Variants in RAI14 observed in about 807,000 individuals in gnomAD.
RAI14 encodes retinoic acid induced 14, also known as ankycorbin.
RAI14 carries 45 observed loss-of-function variants against 115.4 expected under a neutral mutation model. The ratio of observed to expected loss-of-function variants is 0.39; its 90% CI spans 0.31 to 0.50. RAI14 has a LOEUF of 0.50. Ranked by LOEUF, RAI14 falls within the 20% of genes least tolerant of loss-of-function variation. The pLI is 0.85. For synonymous variants in RAI14, 371 were observed against 415.4 expected (o/e 0.89, Z 1.30); for missense variants, 939 against 1,131.2 (o/e 0.83, Z 2.44).
At chr5:34,677,590 G>A (rs1744081917) in intron 1 of RAI14, among the ~76,000 whole-genome samples, 1 of 152,024 alleles carries the variant, frequency 6.6e-6, no homozygotes, top group African/African-American at 2.4e-5. Context: ...GCCTACAGGT[G>A]CTCGCCACCA....
At chr5:34,748,284 A>T (rs934018508) in intron 2 of RAI14, among the ~76,000 whole-genome samples, 1 of 152,214 alleles carries the variant, frequency 6.6e-6, no homozygotes, top group Non-Finnish European at 1.5e-5. Flanking sequence ...AAGGGAAAAG[A>T]CATTTTAGAT....
chr5:34,716,196 G>T, intron 2 of RAI14: 1 of 357,716 alleles, frequency 2.8e-6, no homozygotes, highest in Non-Finnish European at 5.4e-6. Flanking sequence ...AAGTATAGGT[G>T]GATTTACATG....
At chr5:34,737,898 T>C (rs376216) in intron 2 of RAI14, among the ~76,000 whole-genome samples, 12,584 of 152,318 alleles carry the variant, frequency 0.083, 570 homozygotes, top group Middle Eastern at 0.2. Context: ...GGACATATTT[T>C]TTCCTGAATC....
At position 34,791,403 on chromosome 5, in the gene RAI14, A is replaced by G. The variant is rs1752905609; in HGVS notation, c.168-4536A>G. On this transcript the variant is annotated intron_variant, in intron 3 of 17. Transcript: ENST00000265109. This position sits in a 1 kb window ranked among gnomAD's most constrained non-coding sequence, Gnocchi z 5.4. ...TTTTTGAAGTCACTTATTATATGCCATATAATTAAAAAGTTATATGGTATA... is the reference window on the plus strand; with the variant it reads ...TTTTTGAAGTCACTTATTATATGCCGTATAATTAAAAAGTTATATGGTATA... Among the ~76,000 whole-genome samples, 1 of 152,170 alleles carries G rather than the reference A, an allele frequency of 6.6e-6. No homozygotes were observed. The highest frequency in any genetic ancestry group is 2.4e-5 in the African/African-American group (1 of 41,416).
chr5:34,698,632 G>A (rs552030428), intron 2 of RAI14, among the ~76,000 whole-genome samples: 74 of 152,268 alleles, frequency 4.9e-4, no homozygotes, highest in South Asian at 2.1e-3. Flanking sequence ...GTACTAATGA[G>A]TAGAGGTGGG....
At chr5:34,674,437 A>G (rs1743829342) in intron 1 of RAI14, among the ~76,000 whole-genome samples, 1 of 152,172 alleles carries the variant, frequency 6.6e-6, no homozygotes, top group Admixed American at 6.5e-5. Context: ...TAGTAAGCCA[A>G]CTTCTGGCAA....
chr5:34,830,722 A>G lies in RAI14; in HGVS notation c.2900A>G (p.Lys967Arg), dbSNP rs748652891. The G allele has an allele frequency of 1.4e-5, 22 of 1,614,054 alleles. No homozygotes were observed. In the Admixed American group the frequency reaches 3.7e-4, roughly 27 times the overall value. ...QMDEDVQKVL[K>R]QILTMCKNQS... Reference sequence around the variant, plus strand: ...GATGAAGATGTCCAGAAAGTACTGAAGCAAATCCTTACCATGTGTAAAAAC... The same window carrying G: ...GATGAAGATGTCCAGAAAGTACTGAGGCAAATCCTTACCATGTGTAAAAAC... Residue 967 changes from lysine to arginine, a missense_variant, in exon 18 of 18, where the codon AAG becomes AGG. Lys to Arg is a conservative substitution (Grantham distance 26, BLOSUM62 2). Coordinates refer to ENST00000265109, the MANE Select transcript of RAI14 (RefSeq NM_015577.3).
At chr5:34,807,931 T>C in intron 6 of RAI14, 74 bp downstream of exon 6, 2 of 1,143,266 alleles carry the variant, frequency 1.7e-6, no homozygotes, top group Non-Finnish European at 2.7e-6. Context: ...ATTCAGGCCA[T>C]TAACCTTCCA....
chr5:34,793,605 A>G (rs1452711555), intron 3 of RAI14, among the ~76,000 whole-genome samples: 1 of 152,170 alleles, frequency 6.6e-6, no homozygotes, highest in Admixed American at 6.5e-5. Flanking sequence ...CTTTCTTTAC[A>G]TGTTATATTT....
chr5:34,821,923 T>G (rs1756869669), intron 14 of RAI14, 73 bp downstream of exon 14: 3 of 798,536 alleles, frequency 3.8e-6, no homozygotes, highest in Admixed American at 4.6e-5. Context: ...GTCAGATGTA[T>G]TTTGTTTTAA....
chr5:34,829,517 T>C (rs544305083), intron 16 of RAI14, among the ~76,000 whole-genome samples: 4 of 152,172 alleles, frequency 2.6e-5, no homozygotes, highest in African/African-American at 9.6e-5. Flanking sequence ...TTTTCTAGAG[T>C]TGACATACCA....
intron 3 of RAI14, among the ~76,000 whole-genome samples, chr5:34,769,144 T>TA (rs368164255): frequency 2.6e-5 from 4 of 152,310 alleles, no homozygotes; most frequent in African/African-American, 9.6e-5. Flanking sequence ...TGTTTTTTTT[T>TA]ATAGCATTCA....
At chr5:34,692,663 G>A (rs1184068922) in intron 2 of RAI14, among the ~76,000 whole-genome samples, 1 of 151,746 alleles carries the variant, frequency 6.6e-6, no homozygotes, top group Non-Finnish European at 1.5e-5. Flanking sequence ...TGACCCCACT[G>A]GGTGGAGGTA....
rs1580373785 is a variant in RAI14 at position 34,823,880 on chromosome 5, G to C, written c.2038G>C (p.Glu680Gln). Residue 680 changes from glutamate to glutamine, a missense_variant, in exon 15 of 18, where the codon GAG (glutamate) becomes CAG (glutamine). Physicochemically the swap from Glu to Gln is conservative, Grantham distance 29. Coordinates refer to ENST00000265109, the MANE Select transcript of RAI14 (RefSeq NM_015577.3). This position sits in a 1 kb window ranked among gnomAD's most constrained non-coding sequence, Gnocchi z 4.5. ...CACAGCTGAATATATCCATAAAGCA[G>C]AGCATGAGAAACTGATGCAATTGAC... ...DVTAEYIHKA[E>Q]HEKLMQLTNV... The C allele has an allele frequency of 1.2e-6, 2 of 1,614,122 alleles. No individual in the cohort carries two copies. Among genetic ancestry groups the C allele is most frequent in the Non-Finnish European group, 1.7e-6 (2 of 1,179,996 alleles).
intron 16 of RAI14, among the ~76,000 whole-genome samples, chr5:34,828,118 GAAGT>G (rs1373189546): frequency 5.3e-5 from 8 of 152,308 alleles, no homozygotes; most frequent in African/African-American, 1.7e-4. Flanking sequence ...GGCTGCTAGA[GAAGT>G]AAGTAAGTAG....
intron 1 of RAI14, among the ~76,000 whole-genome samples, chr5:34,682,950 G>A (rs1744494548): frequency 2.0e-5 from 3 of 152,222 alleles, no homozygotes; most frequent in Non-Finnish European, 4.4e-5. Flanking sequence ...AACATAGGTT[G>A]TAGCTCAGCC....
intron 3 of RAI14, among the ~76,000 whole-genome samples, chr5:34,794,349 A>G (rs336461): frequency 0.59 from 90,122 of 152,042 alleles, 27,368 homozygotes; most frequent in African/African-American, 0.69. Context: ...CTTGAACCTG[A>G]GAGGCGGAGG....
chr5:34,710,363 T>A (rs1451465484), intron 2 of RAI14, among the ~76,000 whole-genome samples: 2 of 152,232 alleles, frequency 1.3e-5, no homozygotes, highest in African/African-American at 4.8e-5. Context: ...GTATCCGTCT[T>A]GGTGTCTAAA....
At chr5:34,738,265 TA>T (rs1050652552) in intron 2 of RAI14, among the ~76,000 whole-genome samples, 2 of 151,940 alleles carry the variant, frequency 1.3e-5, no homozygotes, top group Admixed American at 1.3e-4. Flanking sequence ...CTCTAAAATT[TA>T]AAAAAACAAA....
Sources: gnomAD v4.1 joint callset for allele counts (sites outside exome capture counted in the v4.1 genomes callset) on GRCh38, gnomAD v4.1.1 for gene constraint, Gnocchi (gnomAD v3.1) non-coding constraint, MANE v1.5 for transcripts, NCBI Gene and HGNC (gene_info 2026-07-23, HGNC 2026-07-21) for gene names.